The following HEXD variants were observed in gnomAD, a reference collection of about 807,000 sequenced individuals.
HEXD encodes N-acetyl-beta-galactosaminidase.
A neutral mutation model predicts 54.2 loss-of-function variants in HEXD; 47 were observed. The ratio of observed to expected loss-of-function variants is 0.87; its 90% CI spans 0.69 to 1.11. The LOEUF is 1.11. Ranked by LOEUF, HEXD falls within the 50% of genes least tolerant of loss-of-function variation. The pLI, the probability that HEXD is intolerant of heterozygous loss-of-function variation, is 0.00. For synonymous variants in HEXD, 293 were observed against 287.6 expected (o/e 1.02, Z -0.19); for missense variants, 576 against 649.2 (o/e 0.89, Z 1.23).
chr17:82,436,375 A>G (rs1056899308), intron 6 of HEXD, among the ~76,000 whole-genome samples: 1 of 152,220 alleles, frequency 6.6e-6, no homozygotes, highest in Non-Finnish European at 1.5e-5. Context: ...CCACCCATGC[A>G]TGGCCACATA....
chr17:82,437,625 CTGTG>C (rs5822529), intron 8 of HEXD, among the ~76,000 whole-genome samples: 27 of 150,978 alleles, frequency 1.8e-4, no homozygotes, highest in African/African-American at 2.9e-4. Context: ...GCACCTGAGG[CTGTG>C]TGTGTGTGTG....
chr17:82,427,556 G>GATGATCAAGTGCGATGAC (rs1189139492), intron 3 of HEXD, among the ~76,000 whole-genome samples: 20 of 152,126 alleles, frequency 1.3e-4, no homozygotes, highest in African/African-American at 4.6e-4. Flanking sequence ...GGTGCGATGA[G>GATGATCAAGTGCGATGAC]ATGATCAAGT....
At chr17:82,441,364 A>C in intron 11 of HEXD, 98 bp downstream of exon 11, 1 of 978,192 alleles carries the variant, frequency 1.0e-6, no homozygotes. Flanking sequence ...GGTGCGGGTG[A>C]GGGGCAGGTG....
At chr17:82,435,563 G>A (rs2053735566) in intron 5 of HEXD, 126 bp from the exon 6 acceptor site, 10 of 887,706 alleles carry the variant, frequency 1.1e-5, no homozygotes, top group South Asian at 3.5e-5. Flanking sequence ...CAAAGGCTCC[G>A]AGCCCCTCCC....
At position 82,424,065 on chromosome 17, in the gene HEXD, C is replaced by T. The variant is rs150436733; in HGVS notation, c.85-329C>T. Among the ~76,000 whole-genome samples the T allele has an allele frequency of 5.6e-3, 847 of 152,062 alleles. 4 individuals carry two copies. Among genetic ancestry groups the T allele is most frequent in the Middle Eastern group, 0.014 (4 of 294 alleles). ...TTGCTGGTGCCCCTCAGCCTGGCTG[C>T]CTTGCTGGGCCGCCGTGCATGAAGA... On this transcript the variant is annotated intron_variant, in intron 2 of 12. Coordinates refer to ENST00000327949, the MANE Select transcript of HEXD (RefSeq NM_001330542.2).
rs781273749 is a variant in HEXD at position 82,435,778 on chromosome 17, G to C, written c.537G>C (p.Arg179=). Residue 179 remains arginine (R), a synonymous_variant, in exon 6 of 13, where the codon CGG becomes CGC. Transcript: ENST00000327949. ...STGKLCLSHM[R]AVASGVKARR... ...GGAAGTTGTGCCTGTCACACATGCG[G>C]GCGGTGGCCAGCGGCGTGAAGGCCC... is the stretch of plus-strand genomic sequence containing the variant. The C allele has an allele frequency of 1.9e-6, 3 of 1,612,934 alleles. No homozygotes were observed. The South Asian group carries it at 3.3e-5, about 18-fold the overall frequency.
chr17:82,428,691 A>G (rs2053491391), intron 4 of HEXD, 46 bp downstream of exon 4: 30 of 1,541,040 alleles, frequency 1.9e-5, no homozygotes, highest in Non-Finnish European at 2.7e-5. Flanking sequence ...TGTGGGGTCC[A>G]GGGGCTGCAG....
At chr17:82,432,758 C>T (rs929951015) in intron 4 of HEXD, among the ~76,000 whole-genome samples, 16 of 151,616 alleles carry the variant, frequency 1.1e-4, no homozygotes, top group Admixed American at 5.3e-4. Context: ...TTTCTTAAAC[C>T]GATTTGGTTT....
Position 82,442,376 on chromosome 17 carries a change from G to T in HEXD, c.1453G>T (p.Asp485Tyr). The change falls in exon 13 of 13, where the codon GAC becomes TAC. Residue 485 changes from aspartate to tyrosine, a missense_variant. Coordinates refer to ENST00000327949, the MANE Select transcript of HEXD (RefSeq NM_001330542.2). The surrounding 1 kb of genome is among the most constrained non-coding windows in gnomAD (Gnocchi z 6.8). ...CAGCCCTGGCAGGGACGTTGCTCAG[G>T]ACCCCTGAGGGGAGAGCTCATGCCA... The part of the protein sequence containing the change: ...PTSPGRDVAQ[D>Y]P The T allele has an allele frequency of 1.2e-6, 2 of 1,610,088 alleles. No homozygotes were observed.
At position 82,442,068 on chromosome 17, in the gene HEXD, C is replaced by T; in HGVS notation, c.1254-109C>T. 4.3e-6 allele frequency: 6 copies of T among 1,406,566 alleles called. No homozygotes were observed. The highest frequency in any genetic ancestry group is 1.8e-5 in the Admixed American group (1 of 55,544). The allele number at this position is 1,406,566 out of a possible 1,614,324, so 87.1% of individuals were successfully genotyped here. Reference sequence around the variant, plus strand: ...TCCCGACATGCCGATGAGGTAGGGTCAGTAGCCCCATTTCACAGGTGAACT... The same window carrying T: ...TCCCGACATGCCGATGAGGTAGGGTTAGTAGCCCCATTTCACAGGTGAACT... On this transcript the variant is annotated intron_variant, in intron 12 of 12. Transcript: ENST00000327949. The surrounding 1 kb of genome is among the most constrained non-coding windows in gnomAD (Gnocchi z 6.8).
chr17:82,433,140 TTTTTA>T (rs1567890762), intron 4 of HEXD, among the ~76,000 whole-genome samples: 1 of 42,646 alleles, frequency 2.3e-5, no homozygotes, highest in African/African-American at 1.5e-4. Flanking sequence ...TTTTTTTTTT[TTTTTA>T]TATATATATT....
chr17:82,441,735 A>T, intron 11 of HEXD, 65 bp from the exon 12 acceptor site: 4 of 1,198,674 alleles, frequency 3.3e-6, no homozygotes, highest in Non-Finnish European at 5.0e-6. Flanking sequence ...TTTCTGTATT[A>T]CTGCAAAGCC....
intron 9 of HEXD, chr17:82,440,393 A>T (rs769219157): frequency 9.8e-7 from 1 of 1,016,546 alleles, no homozygotes; most frequent in Non-Finnish European, 1.3e-6. Context: ...TCAACTGCTT[A>T]GAAAGGGGCA....
chr17:82,419,187 T>C (rs936844278), intron 1 of HEXD, among the ~76,000 whole-genome samples: 2 of 152,216 alleles, frequency 1.3e-5, no homozygotes, highest in African/African-American at 4.8e-5. Context: ...TTCAGTATAA[T>C]ACTACGGTCA....
chr17:82,432,884 A>G (rs8081773), intron 4 of HEXD, among the ~76,000 whole-genome samples: 40,400 of 147,466 alleles, frequency 0.27, 6,186 homozygotes, highest in East Asian at 0.42. Flanking sequence ...TAACACGGTG[A>G]AACCCCGTCT....
In HEXD at chr17:82,418,417, C is replaced by G; in HGVS notation, c.-375C>G. The G allele has an allele frequency of 5.4e-6, 8 of 1,479,270 alleles. No individual in the cohort carries two copies. The highest frequency in any genetic ancestry group is 2.5e-5 in the South Asian group (2 of 79,188). The allele number at this position is 1,479,270 out of a possible 1,614,324, so 91.6% of individuals were successfully genotyped here. On this transcript the variant is annotated 5_prime_UTR_variant, in exon 1 of 13. Transcript: ENST00000327949. ...CTTCCCCTCCTCACCGCTACCTGCT[C>G]CGGTTCCGGCGCTCGGCCGCTCCGT...
At chr17:82,430,386 C>G (rs187479005) in intron 4 of HEXD, among the ~76,000 whole-genome samples, 2 of 152,170 alleles carry the variant, frequency 1.3e-5, no homozygotes, top group African/African-American at 4.8e-5. Context: ...ATTAGTATAC[C>G]CTTTTTGTGT....
At chr17:82,430,033 T>C (rs1407741055) in intron 4 of HEXD, among the ~76,000 whole-genome samples, 2 of 152,058 alleles carry the variant, frequency 1.3e-5, no homozygotes, top group Non-Finnish European at 2.9e-5. Context: ...CCCTGACCCA[T>C]GTTGGTCCTG....
In HEXD at chr17:82,442,084, C is replaced by T; in HGVS notation, c.1254-93C>T. 2.0e-6 allele frequency: 3 copies of T among 1,473,514 alleles called. No individual in the cohort carries two copies. Among genetic ancestry groups the T allele is most frequent in the Non-Finnish European group, 9.2e-7 (1 of 1,084,436 alleles). 91.3% of individuals were successfully genotyped at this position (1,473,514 alleles called of 1,614,324 possible). A position where few individuals can be genotyped will look rare whatever the true frequency, so the allele number is the denominator to read the frequency against. On this transcript the variant is annotated intron_variant, in intron 12 of 12. Coordinates refer to ENST00000327949, the MANE Select transcript of HEXD (RefSeq NM_001330542.2). The surrounding 1 kb of genome is among the most constrained non-coding windows in gnomAD (Gnocchi z 6.8). ...AGGTAGGGTCAGTAGCCCCATTTCA[C>T]AGGTGAACTGAGGCACAGGGCAGTA...
Sources: gnomAD v4.1 joint callset for allele counts (sites outside exome capture counted in the v4.1 genomes callset) on GRCh38, gnomAD v4.1.1 for gene constraint, Gnocchi (gnomAD v3.1) non-coding constraint, MANE v1.5 for transcripts, NCBI Gene and HGNC (gene_info 2026-07-23, HGNC 2026-07-21) for gene names.